The following SLIT2 variants were observed in gnomAD, a reference collection of about 807,000 sequenced individuals.
SLIT2 encodes slit homolog 2 protein.
In SLIT2, 41 loss-of-function variants were observed where a neutral mutation model predicts 185.7. The ratio of observed to expected loss-of-function variants is 0.22; its 90% CI spans 0.17 to 0.29. The LOEUF (loss-of-function observed/expected upper bound fraction) is 0.29. Among genes scored for constraint, SLIT2 ranks in the 10% least tolerant of loss-of-function variants. The probability of loss-of-function intolerance (pLI) is 1.00; values close to 1 mark genes in which losing one functional copy is unlikely to be tolerated. For missense variants in SLIT2, 1,571 were observed against 1,909.0 expected, an observed-to-expected ratio of 0.82 and a Z score of 3.30; for synonymous variants, 693 against 680.2, an observed-to-expected ratio of 1.02 and a Z score of -0.29.
chr4:20,495,727 C>T (rs1313848908), intron 9 of SLIT2, among the ~76,000 whole-genome samples: 3 of 152,112 alleles, frequency 2.0e-5, no homozygotes, highest in Admixed American at 1.3e-4. Flanking sequence ...GTGAATTTTA[C>T]TTCCCTGATT....
At chr4:20,268,914 G>A in intron 4 of SLIT2, 33 bp downstream of exon 4, 2 of 1,277,606 alleles carry the variant, frequency 1.6e-6, no homozygotes, top group South Asian at 1.2e-5. Flanking sequence ...TGTTGCTTTG[G>A]GTAGTACCTT....
intron 12 of SLIT2, among the ~76,000 whole-genome samples, chr4:20,520,176 T>G (rs16869700): frequency 0.097 from 14,731 of 151,838 alleles, 1,477 homozygotes; most frequent in African/African-American, 0.26. Flanking sequence ...GTCCTCAGAC[T>G]AAACCTTTAG....
chr4:20,596,389 A>C (rs558332326), intron 31 of SLIT2, 26 bp from the exon 32 acceptor site: 1 of 1,606,514 alleles, frequency 6.2e-7, no homozygotes, highest in East Asian at 2.2e-5. Context: ...CGTATTAACT[A>C]ATTTTTTTTT....
chr4:20,338,111 A>G (rs1429151460), intron 4 of SLIT2, among the ~76,000 whole-genome samples: 9 of 152,294 alleles, frequency 5.9e-5, no homozygotes, highest in Middle Eastern at 3.4e-3. Context: ...TTTTTTTGGT[A>G]TATTTAAATG....
At chr4:20,472,386 G>GATATATAGATATCTATATCTATATTTA (rs1560453735) in intron 5 of SLIT2, among the ~76,000 whole-genome samples, 1 of 38,394 alleles carries the variant, frequency 2.6e-5, no homozygotes, top group Non-Finnish European at 3.9e-5. Context: ...CTATATATAT[G>GATATATAGATATCTATATCTATATTTA]TAGATATATA....
chr4:20,524,646 T>G (rs1012008736), intron 14 of SLIT2, among the ~76,000 whole-genome samples: 57 of 152,230 alleles, frequency 3.7e-4, no homozygotes, highest in African/African-American at 1.4e-3. Context: ...TGCTTCTTAC[T>G]CTGAATGCAC....
rs1577477073 is a variant in SLIT2 at position 20,348,260 on chromosome 4, A to G, written c.395+79379A>G. On this transcript the variant is annotated intron_variant, in intron 4 of 36. Coordinates refer to ENST00000504154, the MANE Select transcript of SLIT2 (RefSeq NM_004787.4). ...TTTTGTTTGTTTGTTTTGTTTTGAG[A>G]TGGAGTCCCACTCTGTTGCCCAGGC... is the stretch of plus-strand genomic sequence containing the variant. Among the ~76,000 whole-genome samples the G allele has an allele frequency of 2.6e-5, 4 of 152,064 alleles. No individual in the cohort carries two copies. The South Asian group carries it at 8.3e-4, about 31-fold the overall frequency.
At chr4:20,283,498 GA>G (rs902639096) in intron 4 of SLIT2, among the ~76,000 whole-genome samples, 1 of 151,450 alleles carries the variant, frequency 6.6e-6, no homozygotes, top group Non-Finnish European at 1.5e-5. Context: ...TTAGACACAG[GA>G]AAAAAAACAA....
chr4:20,282,877 T>C (rs1425205092), intron 4 of SLIT2, among the ~76,000 whole-genome samples: 1 of 152,210 alleles, frequency 6.6e-6, no homozygotes, highest in Non-Finnish European at 1.5e-5. Flanking sequence ...TTAGGACATA[T>C]AGGGTTGACA....
intron 4 of SLIT2, among the ~76,000 whole-genome samples, chr4:20,436,730 C>A (rs1331161762): frequency 6.6e-6 from 1 of 152,174 alleles, no homozygotes; most frequent in Non-Finnish European, 1.5e-5. Flanking sequence ...TTTCAAGGTA[C>A]AACCATGAAG....
chr4:20,334,074 T>C (rs900513117), intron 4 of SLIT2, among the ~76,000 whole-genome samples: 2 of 152,182 alleles, frequency 1.3e-5, no homozygotes, highest in East Asian at 3.9e-4. Flanking sequence ...TATTGTATTT[T>C]CCCTATGTCT....
At chr4:20,464,094 G>C (rs1009175714) in intron 4 of SLIT2, among the ~76,000 whole-genome samples, 2 of 151,874 alleles carry the variant, frequency 1.3e-5, no homozygotes, top group African/African-American at 4.8e-5. Context: ...TATTTTTTCT[G>C]TTTATAGTGT....
chr4:20,443,582 T>TAAAAAAA (rs71653885), intron 4 of SLIT2, among the ~76,000 whole-genome samples: 5 of 63,052 alleles, frequency 7.9e-5, no homozygotes, highest in African/African-American at 1.9e-4. Context: ...GGAGAAAATC[T>TAAAAAAA]AAAAAAAAAA....
chr4:20,328,832 G>A lies in SLIT2; in HGVS notation c.395+59951G>A, dbSNP rs115608568. 5.9e-3 allele frequency among the ~76,000 whole-genome samples: 890 copies of A among 152,086 alleles called. 8 individuals are homozygous for A. Among genetic ancestry groups the A allele is most frequent in the African/African-American group, 0.02 (842 of 41,514 alleles). On this transcript the variant is annotated intron_variant, in intron 4 of 36. Coordinates refer to ENST00000504154, the MANE Select transcript of SLIT2 (RefSeq NM_004787.4). ...TAATGGATAAGTGACTTTGAGCTGG[G>A]CCTTGAACTGAAAATGAGAATGTTC...
At chr4:20,517,748 C>T (rs955257112) in intron 11 of SLIT2, among the ~76,000 whole-genome samples, 7 of 152,004 alleles carry the variant, frequency 4.6e-5, no homozygotes, top group Non-Finnish European at 1.0e-4. Flanking sequence ...TATACCTTAC[C>T]TCTCTCTGAC....
At chr4:20,459,343 T>C (rs1713442484) in intron 4 of SLIT2, among the ~76,000 whole-genome samples, 1 of 152,080 alleles carries the variant, frequency 6.6e-6, no homozygotes, top group Non-Finnish European at 1.5e-5. Flanking sequence ...AGAAACAGAA[T>C]TATCATAAAG....
At chr4:20,504,042 T>G (rs1718979537) in intron 9 of SLIT2, among the ~76,000 whole-genome samples, 2 of 152,178 alleles carry the variant, frequency 1.3e-5, no homozygotes, top group South Asian at 4.1e-4. Flanking sequence ...TTGGATCATT[T>G]TATGTAGAAA....
intron 4 of SLIT2, among the ~76,000 whole-genome samples, chr4:20,393,010 A>C (rs1725557257): frequency 6.6e-6 from 1 of 152,072 alleles, no homozygotes; most frequent in Non-Finnish European, 1.5e-5. Flanking sequence ...TAGGTGCTAG[A>C]TTTTTATATC....
At chr4:20,260,113 G>T (rs528497019) in intron 3 of SLIT2, among the ~76,000 whole-genome samples, 30 of 151,768 alleles carry the variant, frequency 2.0e-4, no homozygotes, top group Non-Finnish European at 3.8e-4. Flanking sequence ...TTTGTTCATT[G>T]TATTGATTTA....
Sources: allele counts gnomAD v4.1 joint callset (sites outside exome capture counted in the v4.1 genomes callset), GRCh38; gene constraint gnomAD v4.1.1; transcripts MANE v1.5; gene names NCBI Gene and HGNC (gene_info 2026-07-23, HGNC 2026-07-21).